Variants in TLE1 observed in about 807,000 individuals in gnomAD.
TLE1 encodes the protein transducin-like enhancer protein 1.
TLE1 carries 21 observed loss-of-function variants against 89.8 expected under a neutral mutation model. The observed-to-expected ratio is 0.23, with a 90% confidence interval of 0.17 to 0.34. The LOEUF is 0.34. Among genes scored for constraint, TLE1 ranks in the 10% least tolerant of loss-of-function variants. TLE1 has a pLI of 1.00. For missense variants in TLE1, 795 were observed against 1,031.2 expected, an observed-to-expected ratio of 0.77 and a Z score of 3.14; for synonymous variants, 447 against 407.6, an observed-to-expected ratio of 1.10 and a Z score of -1.16.
chr9:81,688,144 A>G, intron 1 of TLE1, 73 bp downstream of exon 1: 1 of 1,572,166 alleles, frequency 6.4e-7, no homozygotes, highest in Non-Finnish European at 8.7e-7. Context: ...AGAAGCCACC[A>G]GTCTCCCTAC....
intron 9 of TLE1, among the ~76,000 whole-genome samples, chr9:81,620,114 G>C (rs1382417585): frequency 6.6e-6 from 1 of 152,044 alleles, no homozygotes; most frequent in Admixed American, 6.5e-5. Context: ...GGTGAGATCA[G>C]AGCATTACAC....
intron 4 of TLE1, among the ~76,000 whole-genome samples, chr9:81,668,627 G>GA (rs1262387153): frequency 1.3e-5 from 2 of 151,974 alleles, no homozygotes; most frequent in African/African-American, 4.8e-5. Flanking sequence ...TTCAGGATGG[G>GA]AAAAAAAGTG....
intron 2 of TLE1, among the ~76,000 whole-genome samples, chr9:81,686,551 C>G (rs1372668469): frequency 6.6e-6 from 1 of 152,196 alleles, no homozygotes; most frequent in East Asian, 1.9e-4. Context: ...GCCACTTCGC[C>G]TCATCTGTGT....
intron 14 of TLE1, among the ~76,000 whole-genome samples, chr9:81,599,587 T>G (rs1440666523): frequency 6.6e-6 from 1 of 152,112 alleles, no homozygotes; most frequent in African/African-American, 2.4e-5. Flanking sequence ...CATAAGAAAA[T>G]CAGTCTTATT....
At chr9:81,678,014 T>C (rs1215107892) in intron 4 of TLE1, among the ~76,000 whole-genome samples, 12 of 152,234 alleles carry the variant, frequency 7.9e-5, no homozygotes, top group Admixed American at 7.9e-4. Context: ...CCAAAGTGAC[T>C]TGTATCCTAC....
intron 11 of TLE1, among the ~76,000 whole-genome samples, chr9:81,615,282 T>C (rs532052319): frequency 2.7e-4 from 39 of 145,176 alleles, no homozygotes; most frequent in Non-Finnish European, 4.2e-4. Flanking sequence ...TGTGCCGAGA[T>C]CACGCCACTG....
In TLE1 at chr9:81,585,662, G is replaced by A. The variant is rs1227148034; in HGVS notation, c.1978-7C>T. On this transcript the variant is annotated splice_region_variant and splice_polypyrimidine_tract_variant and intron_variant, in intron 17 of 19. Transcript: ENST00000376499. ...AGTACCCCAGGGAGAAGATCTACAA[G>A]GAGCAAGACAGGCTCACTCATTATT... is the stretch of plus-strand genomic sequence containing the variant. 2 of 1,613,790 alleles carry A rather than the reference G, an allele frequency of 1.2e-6. No individual in the cohort carries two copies. Among genetic ancestry groups the A allele is most frequent in the South Asian group, 1.1e-5 (1 of 91,038 alleles).
intron 8 of TLE1, among the ~76,000 whole-genome samples, chr9:81,622,434 A>G (rs1825383467): frequency 6.6e-6 from 1 of 150,752 alleles, no homozygotes; most frequent in African/African-American, 2.5e-5. Context: ...CAGCTTCTTA[A>G]TGTCTTGTTT....
At chr9:81,627,032 A>G (rs1825988784) in intron 8 of TLE1, among the ~76,000 whole-genome samples, 1 of 152,138 alleles carries the variant, frequency 6.6e-6, no homozygotes, top group South Asian at 2.1e-4. Context: ...TTTGCTCTCC[A>G]GCCCCTGTTG....
At chr9:81,684,400 C>A (rs915826950) in intron 4 of TLE1, among the ~76,000 whole-genome samples, 1 of 152,048 alleles carries the variant, frequency 6.6e-6, no homozygotes, top group African/African-American at 2.4e-5. Context: ...TAATAAAAGG[C>A]CCTGAAAATC....
In TLE1 at chr9:81,616,188, T is replaced by C. The variant is rs1824490319; in HGVS notation, c.766-54A>G. Reference sequence around the variant, plus strand: ...GATTTAGCTTGTAACAGACAGACTTTTCCCTTTCCACACTCATTCTCTAAA... The same window carrying C: ...GATTTAGCTTGTAACAGACAGACTTCTCCCTTTCCACACTCATTCTCTAAA... On this transcript the variant is annotated intron_variant, in intron 10 of 19. Coordinates refer to ENST00000376499, the MANE Select transcript of TLE1 (RefSeq NM_005077.5). 4.5e-6 allele frequency: 7 copies of C among 1,555,804 alleles called. No individual in the cohort carries two copies. In the East Asian group the frequency reaches 9.0e-5, roughly 20 times the overall value.
At chr9:81,592,097 G>A (rs112335058) in intron 15 of TLE1, among the ~76,000 whole-genome samples, 1,622 of 152,308 alleles carry the variant, frequency 0.011, 28 homozygotes, top group African/African-American at 0.037. Context: ...GGTGGCTCAC[G>A]CCTATAATCC....
At chr9:81,670,689 C>G (rs866537668) in intron 4 of TLE1, among the ~76,000 whole-genome samples, 3 of 144,510 alleles carry the variant, frequency 2.1e-5, no homozygotes, top group Middle Eastern at 3.6e-3. Flanking sequence ...AATTTCAGCA[C>G]TTTGAGAGTT....
In TLE1 at chr9:81,688,376, C is replaced by CCGCCGGGCG; in HGVS notation, c.-145_-137dup. ...AGCGCGCTGGCCACGCACGCGCGCT[C>CCGCCGGGCG]CGCCGGGCGCACCGGCCACTCGGCG... On this transcript the variant is annotated 5_prime_UTR_variant, in exon 1 of 20. Coordinates refer to ENST00000376499, the MANE Select transcript of TLE1 (RefSeq NM_005077.5). 5.9e-6 allele frequency: 6 copies of CCGCCGGGCG among 1,018,672 alleles called. No homozygotes were observed. The highest frequency in any genetic ancestry group is 8.0e-6 in the Non-Finnish European group (6 of 750,062). 63.1% of individuals were successfully genotyped at this position (1,018,672 alleles called of 1,614,324 possible). A position where few individuals can be genotyped will look rare whatever the true frequency, so the allele number is the denominator to read the frequency against.
chr9:81,647,206 T>A (rs1828962298), intron 6 of TLE1, among the ~76,000 whole-genome samples: 1 of 152,192 alleles, frequency 6.6e-6, no homozygotes, highest in African/African-American at 2.4e-5. Flanking sequence ...CAGTCCCCAC[T>A]GGTCATCTGA....
chr9:81,637,644 C>CTT lies in TLE1; in HGVS notation c.373-3345_373-3344dup, dbSNP rs11375860. 3.3e-3 allele frequency among the ~76,000 whole-genome samples: 459 copies of CTT among 138,672 alleles called. 2 individuals are homozygous for CTT. The highest frequency in any genetic ancestry group is 0.016 in the South Asian group (68 of 4,282). The allele number at this position is 138,672 out of a possible 152,430, so 91.0% of individuals were successfully genotyped here. A position where few individuals can be genotyped will look rare whatever the true frequency, so the allele number is the denominator to read the frequency against. ...CATTGCTTGGCTACAATGAAAGTTT[C>CTT]TTTTTTTTTTTTTTTTTTAAGCAAA... On this transcript the variant is annotated intron_variant, in intron 6 of 19. Coordinates refer to ENST00000376499, the MANE Select transcript of TLE1 (RefSeq NM_005077.5).
chr9:81,657,588 A>C (rs1830290578), intron 4 of TLE1, among the ~76,000 whole-genome samples: 1 of 152,162 alleles, frequency 6.6e-6, no homozygotes, highest in Non-Finnish European at 1.5e-5. Flanking sequence ...TAAACCTTTA[A>C]TAATATTAAA....
chr9:81,659,487 T>A (rs776872118), intron 4 of TLE1, among the ~76,000 whole-genome samples: 3 of 152,126 alleles, frequency 2.0e-5, no homozygotes, highest in Non-Finnish European at 4.4e-5. Context: ...TCAAGAGCTA[T>A]CCACAAACCA....
intron 14 of TLE1, among the ~76,000 whole-genome samples, chr9:81,599,094 T>C (rs1830580856): frequency 6.6e-6 from 1 of 152,174 alleles, no homozygotes; most frequent in Admixed American, 6.5e-5. Context: ...TGCTGAGGTG[T>C]GAAGTAATGA....
Sources: gnomAD v4.1 joint callset for allele counts (sites outside exome capture counted in the v4.1 genomes callset) on GRCh38, gnomAD v4.1.1 for gene constraint, MANE v1.5 for transcripts, NCBI Gene and HGNC (gene_info 2026-07-23, HGNC 2026-07-21) for gene names.